The following GDAP1 variants were observed in gnomAD, a reference collection of about 807,000 sequenced individuals.
GDAP1 encodes ganglioside-induced differentiation-associated protein 1.
Under a neutral mutation model 40.1 loss-of-function variants are expected in GDAP1, and 34 were observed. The observed-to-expected ratio is 0.85, with a 90% CI of 0.64 to 1.13. GDAP1 has a LOEUF of 1.13. GDAP1 is among the 50% of genes most tolerant of loss of function. The probability of loss-of-function intolerance (pLI) is 0.00; values close to 1 mark genes in which losing one functional copy is unlikely to be tolerated. For missense variants in GDAP1, 374 were observed against 433.7 expected, an observed-to-expected ratio of 0.86 and a Z score of 1.22; for synonymous variants, 170 against 157.4, an observed-to-expected ratio of 1.08 and a Z score of -0.60.
chr8:74,450,058 A>T (rs1463121950), intron 2 of GDAP1, among the ~76,000 whole-genome samples: 6 of 149,482 alleles, frequency 4.0e-5, no homozygotes, highest in Non-Finnish European at 1.5e-5. Flanking sequence ...GTTGTGTTTT[A>T]TCATTATTCA....
At chr8:74,456,770 T>C (rs763594242) in intron 2 of GDAP1, among the ~76,000 whole-genome samples, 2 of 150,816 alleles carry the variant, frequency 1.3e-5, no homozygotes, top group East Asian at 1.9e-4. Flanking sequence ...AATAGCAGTC[T>C]TTTTTGTGCC....
At chr8:74,376,175 C>T (rs1809848101) in intron 2 of GDAP1, among the ~76,000 whole-genome samples, 1 of 152,076 alleles carries the variant, frequency 6.6e-6, no homozygotes, top group Non-Finnish European at 1.5e-5. Flanking sequence ...TTAAGAAGTC[C>T]ATTCTCCGCA....
chr8:74,351,139 A>G, intron 1 of GDAP1, 135 bp from the exon 2 acceptor site: 1 of 763,418 alleles, frequency 1.3e-6, no homozygotes, highest in South Asian at 1.4e-5. Context: ...TAATTCCAGG[A>G]ATAGGAATTG....
intron 2 of GDAP1, among the ~76,000 whole-genome samples, chr8:74,386,700 A>G (rs960022743): frequency 6.6e-6 from 1 of 152,124 alleles, no homozygotes; most frequent in Admixed American, 6.5e-5. Flanking sequence ...AATTTAAAGT[A>G]GTTTTCTCTA....
rs748553431 is a variant in GDAP1 at position 74,350,437 on chromosome 8, C to G, written c.-25C>G. 4 of 1,410,940 alleles carry G rather than the reference C, an allele frequency of 2.8e-6. No individual in the cohort carries two copies. The highest frequency in any genetic ancestry group is 2.3e-5 in the East Asian group (1 of 43,954). The allele number at this position is 1,410,940 out of a possible 1,614,324, so 87.4% of individuals were successfully genotyped here. A position where few individuals can be genotyped will look rare whatever the true frequency, so the allele number is the denominator to read the frequency against. Reference sequence around the variant, plus strand: ...AGAAGTCCAGGGCGGACAGGCTGGGCGCACCCGTGCTCGCGCACCCCAAGA... The same window carrying G: ...AGAAGTCCAGGGCGGACAGGCTGGGGGCACCCGTGCTCGCGCACCCCAAGA... On this transcript the variant is annotated 5_prime_UTR_variant, in exon 1 of 6. Coordinates refer to ENST00000220822, the MANE Select transcript of GDAP1 (RefSeq NM_018972.4).
chr8:74,377,502 G>A (rs1179381866), intron 2 of GDAP1, among the ~76,000 whole-genome samples: 1 of 152,166 alleles, frequency 6.6e-6, no homozygotes, highest in African/African-American at 2.4e-5. Context: ...AATCAAATAT[G>A]CCAATCATTA....
chr8:74,461,811 T>C (rs748080815), intron 2 of GDAP1, among the ~76,000 whole-genome samples: 4 of 152,236 alleles, frequency 2.6e-5, no homozygotes, highest in Non-Finnish European at 5.9e-5. Flanking sequence ...TCAGTTTCAC[T>C]TGTATTTTTC....
intron 2 of GDAP1, among the ~76,000 whole-genome samples, chr8:74,373,452 C>T (rs986473970): frequency 4.6e-5 from 7 of 152,104 alleles, no homozygotes; most frequent in Admixed American, 6.5e-5. Context: ...GTTTGTAGTT[C>T]TCCTTGAAGA....
intron 2 of GDAP1, among the ~76,000 whole-genome samples, chr8:74,418,235 TG>T (rs1805809697): frequency 6.6e-6 from 1 of 152,186 alleles, no homozygotes; most frequent in Admixed American, 6.5e-5. Flanking sequence ...CCAAAACAAT[TG>T]GCTAAAGAGA....
chr8:74,447,958 G>A (rs929250334), intron 2 of GDAP1, among the ~76,000 whole-genome samples: 1 of 152,148 alleles, frequency 6.6e-6, no homozygotes, highest in African/African-American at 2.4e-5. Context: ...AAACAATTCT[G>A]AAATCTGAAA....
intron 2 of GDAP1, among the ~76,000 whole-genome samples, chr8:74,471,021 ATG>A (rs1287604713): frequency 1.1e-4 from 16 of 151,972 alleles, no homozygotes; most frequent in Non-Finnish European, 1.9e-4. Flanking sequence ...GCATTTTTTC[ATG>A]TGTCTTTTGG....
intron 2 of GDAP1, among the ~76,000 whole-genome samples, chr8:74,405,544 G>T (rs1207520632): frequency 6.7e-6 from 1 of 150,074 alleles, no homozygotes; most frequent in Non-Finnish European, 1.5e-5. Flanking sequence ...AAAGTTTACT[G>T]TTGTCCGTGC....
At chr8:74,406,434 G>A (rs1212108472) in intron 2 of GDAP1, among the ~76,000 whole-genome samples, 3 of 150,134 alleles carry the variant, frequency 2.0e-5, no homozygotes, top group Admixed American at 6.6e-5. Context: ...TAACAGGACC[G>A]GCATTAACAT....
intron 2 of GDAP1, among the ~76,000 whole-genome samples, chr8:74,436,988 G>A (rs1466520864): frequency 6.6e-6 from 1 of 152,138 alleles, no homozygotes; most frequent in Non-Finnish European, 1.5e-5. Flanking sequence ...GTCATTTTCT[G>A]CTATTCACCA....
intron 2 of GDAP1, among the ~76,000 whole-genome samples, chr8:74,396,638 G>A (rs1203449435): frequency 2.0e-5 from 3 of 152,038 alleles, no homozygotes; most frequent in Non-Finnish European, 2.9e-5. Flanking sequence ...AGTTTACTGA[G>A]AATGATGATT....
At chr8:74,411,214 T>G (rs1294875996) in intron 2 of GDAP1, among the ~76,000 whole-genome samples, 2 of 150,054 alleles carry the variant, frequency 1.3e-5, no homozygotes, top group Non-Finnish European at 2.9e-5. Flanking sequence ...CTTTATAAAT[T>G]GCCCAGTCTC....
rs182625373 is a variant in GDAP1, at chr8:74,451,653, T to G, written c.166-37025T>G. 8.7e-4 allele frequency among the ~76,000 whole-genome samples: 72 copies of G among 83,202 alleles called. 26 individuals are homozygous for G. Among genetic ancestry groups the G allele is most frequent in the Non-Finnish European group, 1.2e-3 (51 of 41,166 alleles). 54.6% of individuals were successfully genotyped at this position (83,202 alleles called of 152,430 possible). ...TGAAGCCTTCTGTTTTTTGTTTATC[T>G]TAACATATCCTTAGTTCACATTCTT... On this transcript the variant is annotated intron_variant, in intron 2 of 2. Coordinates refer to the GDAP1 transcript ENST00000523640.
rs763706347 is a variant in GDAP1, at chr8:74,366,568, C to A, written c.*2201C>A. On this transcript the variant is annotated 3_prime_UTR_variant, in exon 6 of 6. Coordinates refer to ENST00000220822, the MANE Select transcript of GDAP1 (RefSeq NM_018972.4). ...TTTTTCATGATTATCGGTGACTGGT[C>A]AGTGTACTCATCAATTTCCAAAATT... is the stretch of plus-strand genomic sequence containing the variant. 10 of 453,460 alleles carry A rather than the reference C, an allele frequency of 2.2e-5. No individual in the cohort carries two copies. The highest frequency in any genetic ancestry group is 4.4e-5 in the Non-Finnish European group (10 of 226,568). 28.1% of individuals were successfully genotyped at this position (453,460 alleles called of 1,614,324 possible). A position where few individuals can be genotyped will look rare whatever the true frequency, so the allele number is the denominator to read the frequency against.
chr8:74,360,995 C>T (rs889303121), intron 3 of GDAP1, among the ~76,000 whole-genome samples: 5 of 152,134 alleles, frequency 3.3e-5, no homozygotes, highest in Admixed American at 3.3e-4. Context: ...ATGTGATACT[C>T]ACCTTTATTA....
Sources: allele counts gnomAD v4.1 joint callset (sites outside exome capture counted in the v4.1 genomes callset), GRCh38; gene constraint gnomAD v4.1.1; transcripts MANE v1.5; gene names NCBI Gene and HGNC (gene_info 2026-07-23, HGNC 2026-07-21).